NEGR1: variants seen among roughly 807,000 people sequenced by gnomAD.
NEGR1 encodes the protein neuronal growth regulator 1, also known as IgLON family member 4.
Under a neutral mutation model 40.9 loss-of-function variants are expected in NEGR1, and 10 were observed. The observed-to-expected ratio is 0.24, with a 90% CI of 0.15 to 0.42. The LOEUF is 0.42. Among genes scored for constraint, NEGR1 ranks in the 10% least tolerant of loss-of-function variants. The probability of loss-of-function intolerance (pLI) is 1.00; values close to 1 mark genes in which losing one functional copy is unlikely to be tolerated. For missense variants in NEGR1, 352 were observed against 438.9 expected, an observed-to-expected ratio of 0.80 and a Z score of 1.77; for synonymous variants, 185 against 166.8, an observed-to-expected ratio of 1.11 and a Z score of -0.84.
At chr1:72,026,907 T>C (rs1646815263) in intron 1 of NEGR1, among the ~76,000 whole-genome samples, 1 of 152,042 alleles carries the variant, frequency 6.6e-6, no homozygotes, top group South Asian at 2.1e-4. Context: ...TTAAGACTCA[T>C]GTTTTTTTTG....
intron 6 of NEGR1, among the ~76,000 whole-genome samples, chr1:71,526,108 G>A (rs1036591413): frequency 2.6e-5 from 4 of 151,372 alleles, no homozygotes; most frequent in African/African-American, 4.8e-5. Context: ...AAATTGCATC[G>A]TAGGTTTTCT....
intron 3 of NEGR1, among the ~76,000 whole-genome samples, chr1:71,715,759 C>T (rs1169145269): frequency 1.3e-5 from 2 of 152,210 alleles, no homozygotes; most frequent in African/African-American, 4.8e-5. Flanking sequence ...ACCATCTCAA[C>T]CTGGACTTCA....
intron 1 of NEGR1, among the ~76,000 whole-genome samples, chr1:71,943,991 T>A (rs1645995501): frequency 6.6e-6 from 1 of 152,246 alleles, no homozygotes; most frequent in African/African-American, 2.4e-5. Flanking sequence ...AGGCTAGCTT[T>A]GTTCCAATGG....
intron 1 of NEGR1, among the ~76,000 whole-genome samples, chr1:72,070,463 T>C: frequency 6.6e-6 from 1 of 152,026 alleles, no homozygotes; most frequent in Admixed American, 6.6e-5. Context: ...TTTAATACTA[T>C]AATTTCCCAT....
At chr1:71,604,550 C>G (rs930425772) in intron 5 of NEGR1, among the ~76,000 whole-genome samples, 1 of 152,006 alleles carries the variant, frequency 6.6e-6, no homozygotes, top group Non-Finnish European at 1.5e-5. Context: ...ATGGTCATTA[C>G]TCTTTATTAT....
chr1:72,097,074 T>C (rs1648730908), intron 1 of NEGR1, among the ~76,000 whole-genome samples: 1 of 152,206 alleles, frequency 6.6e-6, no homozygotes, highest in Non-Finnish European at 1.5e-5. Context: ...TATAAAGTCT[T>C]ACACAGTTTA....
intron 1 of NEGR1, among the ~76,000 whole-genome samples, chr1:71,953,674 C>A (rs369582015): frequency 6.6e-6 from 1 of 151,850 alleles, no homozygotes; most frequent in East Asian, 1.9e-4. Context: ...TCATTGTTGT[C>A]ATATTTTAAT....
intron 4 of NEGR1, among the ~76,000 whole-genome samples, chr1:71,684,254 C>G (rs768536169): frequency 2.0e-5 from 3 of 151,854 alleles, no homozygotes; most frequent in Non-Finnish European, 4.4e-5. Context: ...CTGAGTGACA[C>G]AGCAAGACTC....
At position 71,584,015 on chromosome 1, in the gene NEGR1, G is replaced by A. The variant is rs538506947; in HGVS notation, c.940+8802C>T. 2.4e-4 allele frequency among the ~76,000 whole-genome samples: 36 copies of A among 152,228 alleles called. 1 individual carries two copies. The South Asian group carries it at 4.6e-3, about 19-fold the overall frequency. ...GTTGCTTAAAAATAGGCTAAAATTC[G>A]GAAAATCCAACCTACTATAAATGCC... is the stretch of plus-strand genomic sequence containing the variant. On this transcript the variant is annotated intron_variant, in intron 6 of 6. Transcript: ENST00000357731.
chr1:71,863,449 G>C (rs1365845407), intron 2 of NEGR1, among the ~76,000 whole-genome samples: 1 of 152,092 alleles, frequency 6.6e-6, no homozygotes, highest in Non-Finnish European at 1.5e-5. Context: ...CCTATTGGGG[G>C]AGTTGTGGGA....
chr1:71,534,703 CA>C (rs1419482486), intron 6 of NEGR1, among the ~76,000 whole-genome samples: 1 of 151,534 alleles, frequency 6.6e-6, no homozygotes, highest in Non-Finnish European at 1.5e-5. Flanking sequence ...GCAAGGATAG[CA>C]ATTATTATAT....
chr1:72,242,123 A>G (rs1005638151), intron 1 of NEGR1, among the ~76,000 whole-genome samples: 2 of 151,770 alleles, frequency 1.3e-5, no homozygotes, highest in African/African-American at 4.8e-5. Flanking sequence ...ATCATAGAAT[A>G]TCCTTGATGC....
chr1:71,754,167 G>C (rs1372762293), intron 3 of NEGR1, among the ~76,000 whole-genome samples: 16 of 152,138 alleles, frequency 1.1e-4, no homozygotes, highest in Non-Finnish European at 1.5e-5. Context: ...CAGAGCTGAG[G>C]AAGTGGAGTC....
chr1:71,856,055 GC>G (rs1345726695), intron 2 of NEGR1, among the ~76,000 whole-genome samples: 1 of 151,970 alleles, frequency 6.6e-6, no homozygotes, highest in Non-Finnish European at 1.5e-5. Flanking sequence ...ATTCCCATGA[GC>G]CCTTCTGACT....
At chr1:71,689,818 A>C (rs1335383096) in intron 4 of NEGR1, among the ~76,000 whole-genome samples, 1 of 151,028 alleles carries the variant, frequency 6.6e-6, no homozygotes, top group Non-Finnish European at 1.5e-5. Context: ...TAATATAATA[A>C]ATATAATTAA....
intron 6 of NEGR1, among the ~76,000 whole-genome samples, chr1:71,463,923 G>A (rs976749985): frequency 1.3e-5 from 2 of 152,086 alleles, no homozygotes; most frequent in Non-Finnish European, 2.9e-5. Flanking sequence ...AATAAATGGA[G>A]CTTATGCCAG....
At position 71,440,622 on chromosome 1, in the gene NEGR1, C is replaced by A. The variant is rs145452999; in HGVS notation, c.941-33052G>T. Among the ~76,000 whole-genome samples the A allele has an allele frequency of 2.1e-3, 326 of 152,276 alleles. 1 individual carries two copies. The highest frequency in any genetic ancestry group is 7.7e-3 in the African/African-American group (321 of 41,564). On this transcript the variant is annotated intron_variant, in intron 6 of 6. Coordinates refer to ENST00000357731, the MANE Select transcript of NEGR1 (RefSeq NM_173808.3). The stretch of plus-strand genomic sequence containing the variant: ...CATCTGCCATTCAATTTGGTACAGG[C>A]ATCAACAGCATCAACCTCAGCTGGG...
intron 1 of NEGR1, among the ~76,000 whole-genome samples, chr1:72,083,602 A>G (rs1344394710): frequency 6.6e-6 from 1 of 152,182 alleles, no homozygotes; most frequent in Non-Finnish European, 1.5e-5. Flanking sequence ...GAAAAAAAAG[A>G]AAAATATTGT....
intron 6 of NEGR1, among the ~76,000 whole-genome samples, chr1:71,430,418 T>C (rs543819080): frequency 6.6e-6 from 1 of 152,274 alleles, no homozygotes; most frequent in South Asian, 2.1e-4. Flanking sequence ...AATGTGCCTT[T>C]TTCTCTCTTG....
Sources: allele counts gnomAD v4.1 joint callset (sites outside exome capture counted in the v4.1 genomes callset), GRCh38; gene constraint gnomAD v4.1.1; transcripts MANE v1.5; gene names NCBI Gene and HGNC (gene_info 2026-07-23, HGNC 2026-07-21).